The following KIAA1755 variants were observed in gnomAD, a reference collection of about 807,000 sequenced individuals.
KIAA1755 encodes the protein uncharacterized protein KIAA1755.
Under a neutral mutation model 91.7 loss-of-function variants are expected in KIAA1755, and 68 were observed. The ratio of observed to expected loss-of-function variants is 0.74; its 90% CI spans 0.61 to 0.91. KIAA1755 has a LOEUF of 0.91. Among genes scored for constraint, KIAA1755 ranks in the 40% least tolerant of loss-of-function variants. KIAA1755 has a pLI of 0.00. For synonymous variants in KIAA1755, 610 were observed against 604.6 expected (o/e 1.01, Z -0.13); for missense variants, 1,535 against 1,494.4 (o/e 1.03, Z -0.45).
chr20:38,242,796 TTTTA>T (rs1460054079), intron 2 of KIAA1755, among the ~76,000 whole-genome samples: 3 of 152,264 alleles, frequency 2.0e-5, no homozygotes, highest in Non-Finnish European at 4.4e-5. Context: ...AATGTTTATT[TTTTA>T]TTTGTTTGTT....
At chr20:38,239,420 C>A in intron 4 of KIAA1755, 108 bp downstream of exon 4, 1 of 967,816 alleles carries the variant, frequency 1.0e-6, no homozygotes, top group Non-Finnish European at 1.6e-6. Context: ...TGGTCTAGAA[C>A]CTAGGCCTCC....
At chr20:38,218,753 G>A (rs1320610243) in intron 11 of KIAA1755, among the ~76,000 whole-genome samples, 1 of 152,190 alleles carries the variant, frequency 6.6e-6, no homozygotes, top group Non-Finnish European at 1.5e-5. Flanking sequence ...TTGTGTGCGC[G>A]TGCACATGCA....
intron 4 of KIAA1755, 54 bp from the exon 5 acceptor site, chr20:38,231,379 G>T: frequency 6.5e-7 from 1 of 1,540,202 alleles, no homozygotes; most frequent in Admixed American, 2.1e-5. Flanking sequence ...GGCCCTCTAG[G>T]GACCTCTCCT....
At chr20:38,243,398 T>A (rs761028196) in intron 2 of KIAA1755, among the ~76,000 whole-genome samples, 3 of 152,226 alleles carry the variant, frequency 2.0e-5, no homozygotes, top group Non-Finnish European at 4.4e-5. Context: ...CCTTTTCACT[T>A]AGCCCTCTTG....
chr20:38,234,375 G>A (rs2075920489), intron 4 of KIAA1755, among the ~76,000 whole-genome samples: 1 of 152,118 alleles, frequency 6.6e-6, no homozygotes, highest in Non-Finnish European at 1.5e-5. Context: ...CCAGTCCCAG[G>A]TTCCCAAAGC....
In KIAA1755 at chr20:38,241,884, A is replaced by T; in HGVS notation, c.247T>A (p.Cys83Ser). 2 of 1,613,856 alleles carry T rather than the reference A, an allele frequency of 1.2e-6. No individual in the cohort carries two copies. Among genetic ancestry groups the T allele is most frequent in the Non-Finnish European group, 1.7e-6 (2 of 1,180,012 alleles). Residue 83 changes from cysteine to serine, a missense_variant, in exon 3 of 14, where the codon TGT becomes AGT. Transcript: ENST00000279024. ...TGGACCACAACTTCATCCCTCAGAC[A>T]GAGTGGCCAGCCCTCGTGTAAGAAG... ...CLFLHEGWPL[C>S]LRDEVVVHLA...
intron 4 of KIAA1755, among the ~76,000 whole-genome samples, chr20:38,232,257 C>G (rs533605636): frequency 6.6e-6 from 1 of 152,294 alleles, no homozygotes; most frequent in Non-Finnish European, 1.5e-5. Context: ...TTCACAAGTG[C>G]CGCCTCACAG....
In KIAA1755 at chr20:38,213,481, C is replaced by G; in HGVS notation, c.3164G>C (p.Ser1055Thr). The change falls in exon 14 of 14, where the codon AGC becomes ACC. Residue 1055 changes from serine to threonine, a missense_variant. By Grantham distance (58) the Ser-to-Thr change is moderately conservative. Coordinates refer to ENST00000279024, the MANE Select transcript of KIAA1755 (RefSeq NM_001029864.2). The part of the protein sequence containing the change: ...RMLLEKALTH[S>T]SCPEAPAAHS... Reference sequence around the variant, plus strand: ...AGCAGCTGGAGCCTCTGGGCAAGAGCTGTGGGTCAGTGCCTTCTCCAGGAG... The same window carrying G: ...AGCAGCTGGAGCCTCTGGGCAAGAGGTGTGGGTCAGTGCCTTCTCCAGGAG... 6.2e-7 allele frequency: 1 copy of G among 1,607,080 alleles called. No individual in the cohort carries two copies. Among genetic ancestry groups the G allele is most frequent in the Non-Finnish European group, 8.5e-7 (1 of 1,176,986 alleles).
In KIAA1755 at chr20:38,222,456, C is replaced by T. The variant is rs1338894160; in HGVS notation, c.2410G>A (p.Asp804Asn). The T allele has an allele frequency of 6.2e-7, 1 of 1,612,870 alleles. No individual in the cohort carries two copies. Among genetic ancestry groups the T allele is most frequent in the South Asian group, 1.1e-5 (1 of 91,022 alleles). ...HDASRLDFSP[D>N]VRSHLAAATA... is the part of the protein sequence containing the mutation. Reference sequence around the variant, plus strand: ...AGGCCTGGACGTCTGTACCTGACATCAGGGCTGAAGTCCAGCCTGCTGGCA... The same window carrying T: ...AGGCCTGGACGTCTGTACCTGACATTAGGGCTGAAGTCCAGCCTGCTGGCA... The change falls in exon 10 of 14, where the codon GAT becomes AAT. Residue 804 changes from aspartate (D) to asparagine (N), a missense_variant. Coordinates refer to ENST00000279024, the MANE Select transcript of KIAA1755 (RefSeq NM_001029864.2).
intron 13 of KIAA1755, among the ~76,000 whole-genome samples, chr20:38,214,579 G>A (rs1159830191): frequency 2.6e-5 from 4 of 152,186 alleles, no homozygotes; most frequent in African/African-American, 9.7e-5. Flanking sequence ...AAGTCAGGGA[G>A]GAGCTGGGAT....
intron 4 of KIAA1755, among the ~76,000 whole-genome samples, chr20:38,235,260 A>C (rs930734760): frequency 1.3e-5 from 2 of 152,174 alleles, no homozygotes; most frequent in East Asian, 3.8e-4. Flanking sequence ...GGCTCTGTTC[A>C]TTCTCTTCTG....
intron 13 of KIAA1755, among the ~76,000 whole-genome samples, chr20:38,215,148 G>C (rs2123050415): frequency 6.6e-6 from 1 of 152,346 alleles, no homozygotes; most frequent in East Asian, 1.9e-4. Context: ...GCTGGACAGA[G>C]ATGGATAGCA....
At chr20:38,229,342 G>A (rs910047637) in intron 5 of KIAA1755, among the ~76,000 whole-genome samples, 1 of 152,200 alleles carries the variant, frequency 6.6e-6, no homozygotes, top group Non-Finnish European at 1.5e-5. Flanking sequence ...AGAGTAAATG[G>A]GATGTAAATA....
intron 2 of KIAA1755, among the ~76,000 whole-genome samples, chr20:38,242,675 T>G (rs2123250532): frequency 6.6e-6 from 1 of 152,312 alleles, no homozygotes; most frequent in South Asian, 2.1e-4. Flanking sequence ...GGATAGTGTA[T>G]GAGGGTGAAG....
At chr20:38,218,402 T>C (rs778999958) in intron 11 of KIAA1755, 36 bp from the exon 12 acceptor site, 15 of 1,611,756 alleles carry the variant, frequency 9.3e-6, no homozygotes, top group Non-Finnish European at 1.3e-5. Context: ...CATGAGGGGC[T>C]GCTAGGAGAC....
chr20:38,229,018 C>T (rs190181418), intron 5 of KIAA1755, among the ~76,000 whole-genome samples: 42 of 152,310 alleles, frequency 2.8e-4, no homozygotes, highest in Non-Finnish European at 4.3e-4. Context: ...CATCCCCACC[C>T]CTCTAGCCAT....
At position 38,250,487 on chromosome 20, in the gene KIAA1755, GGT is replaced by G. The variant is rs370369766; in HGVS notation, c.4-4363_4-4362del. 2.4e-3 allele frequency among the ~76,000 whole-genome samples: 344 copies of G among 142,476 alleles called. 3 individuals are homozygous for G. The highest frequency in any genetic ancestry group is 6.7e-3 in the African/African-American group (253 of 37,580). The allele number at this position is 142,476 out of a possible 152,430, so 93.5% of individuals were successfully genotyped here. A position where few individuals can be genotyped will look rare whatever the true frequency, so the allele number is the denominator to read the frequency against. The stretch of plus-strand genomic sequence containing the variant: ...ATATTATTATTATTATTATTATTAT[GGT>G]GTGTGTGTGTGTGTGTGTGTGTCTG... On this transcript the variant is annotated intron_variant, in intron 1 of 13. Transcript: ENST00000279024.
intron 1 of KIAA1755, among the ~76,000 whole-genome samples, chr20:38,251,416 A>G (rs6127553): frequency 0.026 from 4,010 of 152,098 alleles, 81 homozygotes; most frequent in East Asian, 0.064. Context: ...TATGCTCATG[A>G]CCTTCTGGAC....
chr20:38,255,253 T>C (rs970956656), intron 1 of KIAA1755, among the ~76,000 whole-genome samples: 3 of 151,682 alleles, frequency 2.0e-5, no homozygotes, highest in African/African-American at 7.3e-5. Flanking sequence ...CAGCCACAGG[T>C]ATAAATAAGT....
Sources: allele counts gnomAD v4.1 joint callset (sites outside exome capture counted in the v4.1 genomes callset), GRCh38; gene constraint gnomAD v4.1.1; transcripts MANE v1.5; gene names NCBI Gene and HGNC (gene_info 2026-07-23, HGNC 2026-07-21).